Variants in GRIK3 observed in about 807,000 individuals in gnomAD.
The protein encoded by GRIK3 is glutamate receptor ionotropic, kainate 3.
A neutral mutation model predicts 102.5 loss-of-function variants in GRIK3; 29 were observed. The ratio of observed to expected loss-of-function variants is 0.28; its 90% CI spans 0.21 to 0.39. The LOEUF is 0.39. GRIK3 is among the 10% of genes least tolerant of loss of function. GRIK3 has a pLI of 1.00. For synonymous variants in GRIK3, 511 were observed against 504.9 expected, an observed-to-expected ratio of 1.01 and a Z score of -0.16; for missense variants, 908 against 1,252.4, an observed-to-expected ratio of 0.73 and a Z score of 4.15.
chr1:36,941,879 C>T (rs777322880), intron 1 of GRIK3, among the ~76,000 whole-genome samples: 15 of 152,304 alleles, frequency 9.8e-5, no homozygotes, highest in East Asian at 3.9e-4. Context: ...CCAAGGAAAG[C>T]GAGTTCAAGC....
intron 5 of GRIK3, among the ~76,000 whole-genome samples, chr1:36,860,866 G>A (rs528607107): frequency 4.2e-4 from 64 of 152,164 alleles, no homozygotes; most frequent in Non-Finnish European, 7.1e-4. Context: ...GTAGCGGTGC[G>A]TTTTTCCAAC....
At chr1:36,907,131 G>T (rs772011806) in intron 1 of GRIK3, among the ~76,000 whole-genome samples, 4 of 152,280 alleles carry the variant, frequency 2.6e-5, no homozygotes, top group Non-Finnish European at 5.9e-5. Flanking sequence ...TGTTCTGGGG[G>T]TGGGCAGCGT....
rs1300011530 is a variant in GRIK3, at chr1:36,806,595, C to T, written c.2092-269G>A. ...ATGGCACAAGTGGTCTTCAAGCTGACTTTTTAAACATGGATTTTCTTTCTC... is the reference window on the plus strand; with the variant it reads ...ATGGCACAAGTGGTCTTCAAGCTGATTTTTTAAACATGGATTTTCTTTCTC... On this transcript the variant is annotated intron_variant, in intron 13 of 15. Coordinates refer to ENST00000373091, the MANE Select transcript of GRIK3 (RefSeq NM_000831.4). The surrounding 1 kb of genome is among the most constrained non-coding windows in gnomAD (Gnocchi z 4.0). Among the ~76,000 whole-genome samples the T allele has an allele frequency of 6.6e-6, 1 of 152,194 alleles. No individual in the cohort carries two copies. Among genetic ancestry groups the T allele is most frequent in the Non-Finnish European group, 1.5e-5 (1 of 68,036 alleles).
At chr1:36,802,210 T>C (rs1174420396) in intron 15 of GRIK3, among the ~76,000 whole-genome samples, 165 bp from the exon 16 acceptor site, 2 of 152,212 alleles carry the variant, frequency 1.3e-5, no homozygotes, top group African/African-American at 4.8e-5. Flanking sequence ...GGATGATTAG[T>C]TTGTGCAGCA....
At chr1:36,986,836 G>GTGA (rs1642311985) in intron 1 of GRIK3, among the ~76,000 whole-genome samples, 3 of 152,204 alleles carry the variant, frequency 2.0e-5, no homozygotes, top group Admixed American at 2.0e-4. Flanking sequence ...GAGGTGTCTT[G>GTGA]TGACAGTTTT....
At chr1:36,878,714 C>A in intron 3 of GRIK3, among the ~76,000 whole-genome samples, 1 of 152,252 alleles carries the variant, frequency 6.6e-6, no homozygotes, top group Non-Finnish European at 1.5e-5. Context: ...TAGGCTCAAA[C>A]AGGCCTGTAG....
At chr1:36,818,725 G>C (rs987488184) in intron 12 of GRIK3, among the ~76,000 whole-genome samples, 2 of 152,318 alleles carry the variant, frequency 1.3e-5, no homozygotes, top group Admixed American at 6.5e-5. Context: ...TCATTCATTT[G>C]GTGTTTACTG....
At chr1:36,992,610 A>G (rs1642374549) in intron 1 of GRIK3, among the ~76,000 whole-genome samples, 1 of 152,170 alleles carries the variant, frequency 6.6e-6, no homozygotes, top group Admixed American at 6.5e-5. Context: ...AGGAGGAGAC[A>G]TGATGGTTGA....
rs1392120059 is a variant in GRIK3, at chr1:36,906,291, A to G, written c.116-15195T>C. On this transcript the variant is annotated intron_variant, in intron 1 of 15. Coordinates refer to ENST00000373091, the MANE Select transcript of GRIK3 (RefSeq NM_000831.4). ...ATGCTTCAGTCCCAAACCTAGCTCT[A>G]TCCACTGGAGGAAGTTACTCAGACT... Among the ~76,000 whole-genome samples the G allele has an allele frequency of 2.0e-5, 3 of 152,040 alleles. No individual in the cohort carries two copies. In the East Asian group the frequency reaches 5.8e-4, roughly 29 times the overall value.
At chr1:37,004,164 G>A (rs1642507670) in intron 1 of GRIK3, among the ~76,000 whole-genome samples, 1 of 152,120 alleles carries the variant, frequency 6.6e-6, no homozygotes, top group African/African-American at 2.4e-5. Context: ...AACAGGGCAG[G>A]AAGTCACATG....
chr1:36,822,049 C>T (rs954134214), intron 11 of GRIK3, among the ~76,000 whole-genome samples: 3 of 152,210 alleles, frequency 2.0e-5, no homozygotes, highest in Admixed American at 6.5e-5. Context: ...GTGACCACTC[C>T]GCAGGTGTTT....
At position 37,034,094 on chromosome 1, in the gene GRIK3, C is replaced by T; in HGVS notation, c.15G>A (p.Trp5Ter). 6.3e-7 allele frequency: 1 copy of T among 1,582,218 alleles called. No individual in the cohort carries two copies. The highest frequency in any genetic ancestry group is 8.6e-7 in the Non-Finnish European group (1 of 1,164,544). MTAP[W>*]RRLRSLVWEY... Reference sequence around the variant, plus strand: ...CCCAAACCAGACTCCGGAGGCGCCGCCAGGGAGCGGTCATCGTTGGGCGCC... The same window carrying T: ...CCCAAACCAGACTCCGGAGGCGCCGTCAGGGAGCGGTCATCGTTGGGCGCC... Residue 5 changes from tryptophan (W) to a stop codon, truncating the protein, a stop_gained, in exon 1 of 16, where the codon TGG becomes TGA. Coordinates refer to ENST00000373091, the MANE Select transcript of GRIK3 (RefSeq NM_000831.4). LOFTEE classifies it high-confidence loss of function.
intron 3 of GRIK3, among the ~76,000 whole-genome samples, chr1:36,875,720 A>G (rs1640905939): frequency 6.6e-6 from 1 of 152,254 alleles, no homozygotes; most frequent in African/African-American, 2.4e-5. Context: ...AGGTGAACCC[A>G]GAAAAACGAC....
intron 5 of GRIK3, among the ~76,000 whole-genome samples, chr1:36,866,345 T>TCAG (rs573312205): frequency 1.4e-4 from 22 of 152,212 alleles, no homozygotes; most frequent in Non-Finnish European, 3.1e-4. Context: ...GTGTGGACTT[T>TCAG]CAGCATGATA....
Position 36,859,133 on chromosome 1 carries a change from C to A in GRIK3, c.1079G>T (p.Gly360Val). The change falls in exon 7 of 16, where the codon GGC becomes GTC. Residue 360 changes from glycine (G) to valine (V), a missense_variant. Gly to Val is a moderately radical substitution (Grantham distance 109, BLOSUM62 -3). Around this residue, in one of 3 missense-constraint regions of GRIK3, gnomAD observed 585 missense variants for 824.9 expected, o/e 0.71. Transcript: ENST00000373091. ...CTCCTTGATGAAGTTCATGAAGCGG[C>A]CGCCAAAGCGCCAGGCCTTGTGCCG... ...CHRHKAWRFG[G>V]RFMNFIKEAQ... 6.2e-7 allele frequency: 1 copy of A among 1,611,654 alleles called. No individual in the cohort carries two copies. The highest frequency in any genetic ancestry group is 8.5e-7 in the Non-Finnish European group (1 of 1,178,214).
intron 6 of GRIK3, 139 bp from the exon 7 acceptor site, chr1:36,859,390 A>C: frequency 2.3e-6 from 2 of 881,268 alleles, no homozygotes; most frequent in African/African-American, 1.7e-5. Flanking sequence ...CCTGGAGGTG[A>C]CTCTGTCTAC....
chr1:37,006,401 C>A (rs578158693), intron 1 of GRIK3, among the ~76,000 whole-genome samples: 2 of 152,256 alleles, frequency 1.3e-5, no homozygotes, highest in Non-Finnish European at 2.9e-5. Flanking sequence ...CCTGATTTTA[C>A]TAAAGAACAG....
chr1:36,850,049 C>T lies in GRIK3; in HGVS notation c.1326+262G>A, dbSNP rs1366469300. 1.8e-5 allele frequency: 8 copies of T among 439,002 alleles called. No homozygotes were observed. Among genetic ancestry groups the T allele is most frequent in the Non-Finnish European group, 3.3e-5 (8 of 242,998 alleles). The allele number at this position is 439,002 out of a possible 1,614,324, so 27.2% of individuals were successfully genotyped here. On this transcript the variant is annotated intron_variant, in intron 9 of 15. Transcript: ENST00000373091. The surrounding 1 kb of genome is among the most constrained non-coding windows in gnomAD (Gnocchi z 4.0). ...GTCAAACCCCCTTAATTCCACCATC[C>T]AGCATGGTTCCTACTCAGACATCAA...
chr1:36,837,944 C>A (rs991865677), intron 10 of GRIK3, among the ~76,000 whole-genome samples: 1 of 152,192 alleles, frequency 6.6e-6, no homozygotes, highest in Non-Finnish European at 1.5e-5. Flanking sequence ...CCTCGAGGCT[C>A]CCTGTTTGGA....
Sources: allele counts gnomAD v4.1 joint callset (sites outside exome capture counted in the v4.1 genomes callset), GRCh38; gene constraint gnomAD v4.1.1; regional missense constraint gnomAD v4.1.1; non-coding constraint Gnocchi (gnomAD v3.1); transcripts MANE v1.5; gene names NCBI Gene and HGNC (gene_info 2026-07-23, HGNC 2026-07-21).